Variants in NTRK2 observed in about 807,000 individuals in gnomAD.
The protein encoded by NTRK2 is BDNF/NT-3 growth factors receptor.
Under a neutral mutation model 94.5 loss-of-function variants are expected in NTRK2, and 13 were observed. That is an observed-to-expected ratio of 0.14 (90% confidence interval 0.09 to 0.22). The LOEUF (loss-of-function observed/expected upper bound fraction) is 0.22, where lower values mean the gene tolerates loss of function less well. NTRK2 is among the 10% of genes least tolerant of loss of function. The pLI is 1.00. For missense variants in NTRK2, 639 were observed against 1,071.2 expected, an observed-to-expected ratio of 0.60 and a Z score of 5.63; for synonymous variants, 372 against 407.4, an observed-to-expected ratio of 0.91 and a Z score of 1.05.
chr9:84,708,050 T>A, intron 5 of NTRK2, 138 bp downstream of exon 5: 1 of 701,856 alleles, frequency 1.4e-6, no homozygotes, highest in Non-Finnish European at 2.5e-6. Context: ...AGTTTCAGTC[T>A]CTCAGTCTTT....
At chr9:84,783,882 C>T (rs150820338) in intron 12 of NTRK2, among the ~76,000 whole-genome samples, 9 of 152,108 alleles carry the variant, frequency 5.9e-5, no homozygotes, top group East Asian at 5.8e-4. Context: ...CCAAAGACTT[C>T]GCATGGAGGA....
chr9:85,006,398 C>G (rs573165159), intron 17 of NTRK2, among the ~76,000 whole-genome samples: 2 of 152,268 alleles, frequency 1.3e-5, no homozygotes, highest in Admixed American at 1.3e-4. Context: ...CTCTTGGGCT[C>G]CCCTGCCATC....
At chr9:84,889,192 G>A (rs1201593164) in intron 14 of NTRK2, among the ~76,000 whole-genome samples, 3 of 148,638 alleles carry the variant, frequency 2.0e-5, no homozygotes, top group Admixed American at 7.1e-5. Context: ...GGGTTTCACC[G>A]TGTTAGCCAG....
intron 13 of NTRK2, among the ~76,000 whole-genome samples, chr9:84,866,446 A>G (rs1323325322): frequency 6.6e-6 from 1 of 152,198 alleles, no homozygotes; most frequent in Non-Finnish European, 1.5e-5. Flanking sequence ...GAGAAAGGAA[A>G]CTCAGATCCT....
At chr9:84,790,816 G>C (rs1018192843) in intron 12 of NTRK2, among the ~76,000 whole-genome samples, 4 of 152,194 alleles carry the variant, frequency 2.6e-5, no homozygotes, top group African/African-American at 9.7e-5. Context: ...AACTCTCCTT[G>C]TGATAGCCAA....
At chr9:84,960,789 T>A (rs1824821887) in intron 17 of NTRK2, among the ~76,000 whole-genome samples, 1 of 152,226 alleles carries the variant, frequency 6.6e-6, no homozygotes, top group Non-Finnish European at 1.5e-5. Flanking sequence ...CTGGCTCATA[T>A]CTATGTCTCT....
rs2132718931 is a variant in NTRK2, at chr9:84,934,203, G to C, written c.1675G>C (p.Glu559Gln). The change falls in exon 15 of 19, where the codon GAG becomes CAG. Residue 559 changes from glutamate to glutamine, a missense_variant. Around this residue, in one of 5 missense-constraint regions of NTRK2, gnomAD observed 343 missense variants for 571.5 expected, o/e 0.60. Transcript: ENST00000277120. ...GCGACATAACATTGTTCTGAAAAGG[G>C]AGCTAGGCGAAGGAGCCTTTGGAAA... ...IKRHNIVLKRELGEGAFGKVF... is the reference protein window; with the variant it reads ...IKRHNIVLKRQLGEGAFGKVF... 6.2e-7 allele frequency: 1 copy of C among 1,613,956 alleles called. No individual in the cohort carries two copies. The highest frequency in any genetic ancestry group is 8.5e-7 in the Non-Finnish European group (1 of 1,179,894).
At chr9:84,999,768 A>G (rs1010842343) in intron 17 of NTRK2, among the ~76,000 whole-genome samples, 2 of 152,172 alleles carry the variant, frequency 1.3e-5, no homozygotes, top group African/African-American at 4.8e-5. Context: ...CTTCCTGTTG[A>G]GAGTGGACTT....
rs952779802 is a variant in NTRK2, at chr9:85,024,861, A to C, written c.*3424A>C. On this transcript the variant is annotated 3_prime_UTR_variant, in exon 19 of 19. Transcript: ENST00000277120. ...AAAAGATTATATCAGAATTCATATTATACATGTGTTCACATCAGCGCTACC... is the reference window on the plus strand; with the variant it reads ...AAAAGATTATATCAGAATTCATATTCTACATGTGTTCACATCAGCGCTACC... 4.3e-6 allele frequency: 1 copy of C among 232,922 alleles called. No homozygotes were observed. Among genetic ancestry groups the C allele is most frequent in the African/African-American group, 2.2e-5 (1 of 45,348 alleles). The allele number at this position is 232,922 out of a possible 1,614,324, so 14.4% of individuals were successfully genotyped here.
At chr9:84,812,545 T>C in intron 12 of NTRK2, 1 of 1,046,768 alleles carries the variant, frequency 9.6e-7, no homozygotes. Context: ...CCCAAAGGTG[T>C]TGATTTACAA....
intron 8 of NTRK2, among the ~76,000 whole-genome samples, chr9:84,725,673 T>C (rs2062401002): frequency 6.7e-6 from 1 of 148,506 alleles, no homozygotes; most frequent in African/African-American, 2.5e-5. Flanking sequence ...TGTATATATA[T>C]ATGCATATGT....
intron 17 of NTRK2, among the ~76,000 whole-genome samples, chr9:85,005,951 T>A (rs1830914551): frequency 6.6e-6 from 1 of 152,186 alleles, no homozygotes; most frequent in Admixed American, 6.5e-5. Flanking sequence ...ATGACCTTTG[T>A]ATCCCACTAA....
chr9:84,896,454 T>C (rs1323739692), intron 14 of NTRK2, among the ~76,000 whole-genome samples: 1 of 152,176 alleles, frequency 6.6e-6, no homozygotes, highest in Non-Finnish European at 1.5e-5. Context: ...GTAACCCAGT[T>C]CTAATCACTT....
chr9:84,925,746 G>A lies in NTRK2; in HGVS notation c.1634-8416G>A, dbSNP rs148290325. ...CTCAGCTCTGTACCAGCCTCTGTGA[G>A]GACAAGTTCTAGTGCTATGCCCTCA... is the stretch of plus-strand genomic sequence containing the variant. On this transcript the variant is annotated intron_variant, in intron 14 of 18. Transcript: ENST00000277120. Among the ~76,000 whole-genome samples, 4 of 152,256 alleles carry A rather than the reference G, an allele frequency of 2.6e-5. No homozygotes were observed. The East Asian group carries it at 7.7e-4, about 29-fold the overall frequency.
intron 14 of NTRK2, among the ~76,000 whole-genome samples, chr9:84,892,220 C>T (rs748408921): frequency 2.0e-5 from 3 of 152,196 alleles, no homozygotes. Context: ...GTATATTACA[C>T]TCACTCCTGT....
intron 16 of NTRK2, among the ~76,000 whole-genome samples, chr9:84,952,428 T>C (rs1823581849): frequency 6.6e-6 from 1 of 152,244 alleles, no homozygotes; most frequent in Non-Finnish European, 1.5e-5. Flanking sequence ...GCCAGGGAGC[T>C]GATGGTGCTT....
At chr9:84,858,440 C>T (rs1034834672) in intron 12 of NTRK2, among the ~76,000 whole-genome samples, 5 of 151,974 alleles carry the variant, frequency 3.3e-5, no homozygotes, top group Admixed American at 3.3e-4. Context: ...CTCCCCCAAC[C>T]CCCCTTCCAG....
chr9:84,922,787 C>G (rs892201900), intron 14 of NTRK2, among the ~76,000 whole-genome samples: 47 of 152,202 alleles, frequency 3.1e-4, no homozygotes, highest in Non-Finnish European at 6.2e-4. Flanking sequence ...TCCACAGCAC[C>G]AAACACAGTT....
intron 14 of NTRK2, among the ~76,000 whole-genome samples, chr9:84,910,272 T>A (rs373071244): frequency 3.3e-5 from 5 of 152,254 alleles, no homozygotes; most frequent in African/African-American, 1.2e-4. Context: ...CTCTCATAGC[T>A]CTGGAAGCTG....
Sources: allele counts gnomAD v4.1 joint callset (sites outside exome capture counted in the v4.1 genomes callset), GRCh38; gene constraint gnomAD v4.1.1; regional missense constraint gnomAD v4.1.1; transcripts MANE v1.5; gene names NCBI Gene and HGNC (gene_info 2026-07-23, HGNC 2026-07-21).